Variants in PCDHGB3 observed in about 807,000 individuals in gnomAD.
The protein encoded by PCDHGB3 is protocadherin gamma-B3.
Under a neutral mutation model 59.2 loss-of-function variants are expected in PCDHGB3, and 40 were observed. That is an observed-to-expected ratio of 0.68 (90% CI 0.52 to 0.88). The LOEUF (loss-of-function observed/expected upper bound fraction) is 0.88. Among genes scored for constraint, PCDHGB3 ranks in the 40% least tolerant of loss-of-function variants. PCDHGB3 has a pLI of 0.00. For missense variants in PCDHGB3, 1,309 were observed against 1,187.9 expected (o/e 1.10, Z -1.50); for synonymous variants, 581 against 503.6 (o/e 1.15, Z -2.06).
At chr5:141,427,082 C>T (rs1335319344) in intron 1 of PCDHGB3, 1 of 458,118 alleles carries the variant, frequency 2.2e-6, no homozygotes, top group Admixed American at 2.3e-5. Flanking sequence ...CAGCCACTGA[C>T]CAGGATGAGG....
At chr5:141,428,141 G>C (rs1314061143) in intron 1 of PCDHGB3, 2 of 1,596,500 alleles carry the variant, frequency 1.3e-6, no homozygotes, top group African/African-American at 2.7e-5. Context: ...GCCTGGGGCT[G>C]CACACGGGAA....
chr5:141,370,250 T>C lies in PCDHGB3; in HGVS notation c.-145T>C. ...CAGCTCGGAAGAAAAGTGCACTCTCTATCAGGCTTCCTGCAGCGGAGACAC... is the reference window on the plus strand; with the variant it reads ...CAGCTCGGAAGAAAAGTGCACTCTCCATCAGGCTTCCTGCAGCGGAGACAC... On this transcript the variant is annotated 5_prime_UTR_variant, in exon 1 of 4. Transcript: ENST00000576222. 1 of 693,716 alleles carries C rather than the reference T, an allele frequency of 1.4e-6. No homozygotes were observed. The allele number at this position is 693,716 out of a possible 1,614,324, so 43.0% of individuals were successfully genotyped here. A position where few individuals can be genotyped will look rare whatever the true frequency, so the allele number is the denominator to read the frequency against.
At chr5:141,416,014 A>G (rs1258459397) in intron 1 of PCDHGB3, 1 of 228,504 alleles carries the variant, frequency 4.4e-6, no homozygotes, top group African/African-American at 2.3e-5. Flanking sequence ...AAGAATAGGT[A>G]AGTATCAGAA....
chr5:141,421,404 G>A, intron 1 of PCDHGB3: 17 of 1,614,080 alleles, frequency 1.1e-5, no homozygotes, highest in Non-Finnish European at 1.4e-5. Flanking sequence ...AGCCCCGGGA[G>A]CTGGCGAAGC....
At position 141,432,540 on chromosome 5, in the gene PCDHGB3, T is replaced by A. The variant is rs147884705; in HGVS notation, c.2415+59731T>A. 7.6e-4 allele frequency: 1,222 copies of A among 1,613,608 alleles called. 1 individual carries two copies. The highest frequency in any genetic ancestry group is 1.1e-3 in the Admixed American group (64 of 59,988). ...TACCTGGTGACCAAGGTGGTGGCGG[T>A]GGACAGAGACTCCGGCCAGAACGCC... On this transcript the variant is annotated intron_variant, in intron 1 of 3. Transcript: ENST00000576222. This position sits in a 1 kb window ranked among gnomAD's most constrained non-coding sequence, Gnocchi z 6.0.
intron 2 of PCDHGB3, among the ~76,000 whole-genome samples, chr5:141,504,351 G>C (rs77439649): frequency 0.021 from 3,233 of 152,120 alleles, 109 homozygotes; most frequent in African/African-American, 0.075. Context: ...CTTTGTGCTA[G>C]GTGCTTCAGT....
chr5:141,388,453 A>G (rs556619446), intron 1 of PCDHGB3: 1 of 1,613,846 alleles, frequency 6.2e-7, no homozygotes, highest in East Asian at 2.2e-5. Flanking sequence ...GATGGCAGTA[A>G]ATACCCTGAG....
In PCDHGB3 at chr5:141,511,358, G is replaced by GT; in HGVS notation, c.*187dup. 1 of 1,355,398 alleles carries GT rather than the reference G, an allele frequency of 7.4e-7. No homozygotes were observed. Among genetic ancestry groups the GT allele is most frequent in the South Asian group, 1.5e-5 (1 of 66,198 alleles). 84.0% of individuals were successfully genotyped at this position (1,355,398 alleles called of 1,614,324 possible). On this transcript the variant is annotated 3_prime_UTR_variant, in exon 4 of 4. Transcript: ENST00000576222. ...GCACCTACCCCTTCCCCCCCAGGGG[G>GT]TTGAATATGCAAAAGCAGTTCCGCT...
At chr5:141,507,017 C>CACTT (rs763489200) in intron 3 of PCDHGB3, 1 of 152,206 alleles carries the variant, frequency 6.6e-6, no homozygotes, top group Non-Finnish European at 1.5e-5. Flanking sequence ...ACCGAGAAGG[C>CACTT]ACTTGCCCCA....
In PCDHGB3 at chr5:141,372,324, G is replaced by A. The variant is rs559633972; in HGVS notation, c.1930G>A (p.Val644Ile). 3 of 1,613,704 alleles carry A rather than the reference G, an allele frequency of 1.9e-6. No individual in the cohort carries two copies. Among genetic ancestry groups the A allele is most frequent in the East Asian group, 2.2e-5 (1 of 44,886 alleles). The change falls in exon 1 of 4, where the codon GTC (valine) becomes ATC (isoleucine). Residue 644 changes from valine to isoleucine, a missense_variant. By Grantham distance (29) the Val-to-Ile change is conservative. Transcript: ENST00000576222. ...DREAARQRLL[V>I]TVRDGGQQPL... is the part of the protein sequence containing the mutation. ...GGAGGCCGCCCGCCAGCGCCTGCTG[G>A]TCACTGTGCGTGATGGAGGACAGCA...
chr5:141,388,060 A>G lies in PCDHGB3; in HGVS notation c.2415+15251A>G, dbSNP rs1429863107. 16 of 1,381,916 alleles carry G rather than the reference A, an allele frequency of 1.2e-5. No individual in the cohort carries two copies. The highest frequency in any genetic ancestry group is 2.5e-5 in the East Asian group (1 of 40,268). The allele number at this position is 1,381,916 out of a possible 1,614,324, so 85.6% of individuals were successfully genotyped here. Reference sequence around the variant, plus strand: ...GCCACGGACCTGGGGTTCAGCGTCCAGGAGTTACCGACTCGAAAACTGCGC... The same window carrying G: ...GCCACGGACCTGGGGTTCAGCGTCCGGGAGTTACCGACTCGAAAACTGCGC... On this transcript the variant is annotated intron_variant, in intron 1 of 3. Transcript: ENST00000576222.
intron 1 of PCDHGB3, chr5:141,389,959 T>C (rs764607245): frequency 6.2e-7 from 1 of 1,614,058 alleles, no homozygotes; most frequent in Non-Finnish European, 8.5e-7. Flanking sequence ...TACCTAGTGG[T>C]GGCCTTGGCC....
rs2097456240 is a variant in PCDHGB3, at chr5:141,432,134, G to T, written c.2415+59325G>T. 3 of 1,613,756 alleles carry T rather than the reference G, an allele frequency of 1.9e-6. No individual in the cohort carries two copies. The highest frequency in any genetic ancestry group is 1.3e-5 in the African/African-American group (1 of 74,800). On this transcript the variant is annotated intron_variant, in intron 1 of 3. Coordinates refer to ENST00000576222, the MANE Select transcript of PCDHGB3 (RefSeq NM_018924.5). This position sits in a 1 kb window ranked among gnomAD's most constrained non-coding sequence, Gnocchi z 6.0. The stretch of plus-strand genomic sequence containing the variant: ...GGTCTTCCCTCAGGCCTCCTATTCC[G>T]CTTATATCCCAGAGAACAATCCCAG...
chr5:141,389,478 G>C (rs764977787), intron 1 of PCDHGB3: 1 of 1,613,150 alleles, frequency 6.2e-7, no homozygotes, highest in Non-Finnish European at 8.5e-7. Context: ...CACACTGCAG[G>C]CCCGCGACCA....
At chr5:141,394,799 A>G in intron 1 of PCDHGB3, 5 of 1,613,808 alleles carry the variant, frequency 3.1e-6, no homozygotes, top group Admixed American at 1.7e-5. Context: ...CGCTCACCGT[A>G]GCCGTGGCTG....
intron 1 of PCDHGB3, chr5:141,417,091 A>G (rs1345871347): frequency 6.6e-6 from 1 of 152,194 alleles, no homozygotes; most frequent in Non-Finnish European, 1.5e-5. Flanking sequence ...TTTTGATTAT[A>G]ATTATTTAAA....
At chr5:141,497,020 C>T (rs138768677) in intron 2 of PCDHGB3, among the ~76,000 whole-genome samples, 8 of 152,122 alleles carry the variant, frequency 5.3e-5, no homozygotes, top group African/African-American at 1.7e-4. Flanking sequence ...GAAACCCCAT[C>T]TCGATTAAAA....
intron 1 of PCDHGB3, chr5:141,392,507 T>TC (rs2092547058): frequency 4.3e-6 from 1 of 231,946 alleles, no homozygotes; most frequent in East Asian, 8.6e-5. Context: ...GATTTTTTTT[T>TC]CTCAGTAATC....
chr5:141,393,127 A>T (rs766823317), intron 1 of PCDHGB3: 14 of 1,613,320 alleles, frequency 8.7e-6, no homozygotes, highest in Non-Finnish European at 1.2e-5. Flanking sequence ...TGTCTGATAA[A>T]TATTAACACC....
Sources: allele counts gnomAD v4.1 joint callset (sites outside exome capture counted in the v4.1 genomes callset), GRCh38; gene constraint gnomAD v4.1.1; non-coding constraint Gnocchi (gnomAD v3.1); transcripts MANE v1.5; gene names NCBI Gene and HGNC (gene_info 2026-07-23, HGNC 2026-07-21).